Variants in DTNA observed in about 807,000 individuals in gnomAD.
The protein encoded by DTNA is dystrophin-related protein 3.
DTNA carries 43 observed loss-of-function variants against 100.7 expected under a neutral mutation model. The ratio of observed to expected loss-of-function variants is 0.43; its 90% CI spans 0.33 to 0.55. The LOEUF (loss-of-function observed/expected upper bound fraction) is 0.55, where lower values mean the gene tolerates loss of function less well. Ranked by LOEUF, DTNA falls within the 20% of genes least tolerant of loss-of-function variation. The pLI is 0.04. For synonymous variants in DTNA, 349 were observed against 347.9 expected, an observed-to-expected ratio of 1.00 and a Z score of -0.04; for missense variants, 798 against 953.9, an observed-to-expected ratio of 0.84 and a Z score of 2.15.
At chr18:34,624,559 A>T (rs1385800563) in intron 1 of DTNA, among the ~76,000 whole-genome samples, 2 of 152,208 alleles carry the variant, frequency 1.3e-5, no homozygotes, top group Non-Finnish European at 2.9e-5. Context: ...AGTATAATCA[A>T]TGTTAACTGT....
At chr18:34,530,149 G>A (rs1242948635) in intron 1 of DTNA, among the ~76,000 whole-genome samples, 2 of 152,036 alleles carry the variant, frequency 1.3e-5, no homozygotes, top group African/African-American at 4.8e-5. Context: ...AGCTGGTCAG[G>A]CAGCCCACTG....
At position 34,879,683 on chromosome 18, in the gene DTNA, A is replaced by G. The variant is rs760014038; in HGVS notation, c.2126A>G (p.His709Arg). 4 of 1,614,114 alleles carry G rather than the reference A, an allele frequency of 2.5e-6. No individual in the cohort carries two copies. In the Admixed American group the frequency reaches 5.0e-5, roughly 20 times the overall value. ...QIHARKPGYI[H>R]SGATTSTMRG... ...CATGCCCGAAAACCTGGGTACATTCACAGTGGAGCTACCACAAGTACCATG... is the reference window on the plus strand; with the variant it reads ...CATGCCCGAAAACCTGGGTACATTCGCAGTGGAGCTACCACAAGTACCATG... The change falls in exon 20 of 23, where the codon CAC becomes CGC. Residue 709 changes from histidine (H) to arginine (R), a missense_variant. Transcript: ENST00000444659.
chr18:34,580,588 A>G (rs1372937188), intron 1 of DTNA, among the ~76,000 whole-genome samples: 1 of 152,176 alleles, frequency 6.6e-6, no homozygotes, highest in African/African-American at 2.4e-5. Context: ...GAAGAAATAG[A>G]AATTTATCTT....
intron 1 of DTNA, among the ~76,000 whole-genome samples, chr18:34,703,587 G>C (rs1329292299): frequency 6.6e-6 from 1 of 152,150 alleles, no homozygotes; most frequent in Non-Finnish European, 1.5e-5. Flanking sequence ...GAACTGACCA[G>C]TGTGGAACAA....
At chr18:34,864,102 A>G in intron 17 of DTNA, 40 bp downstream of exon 17, 1 of 1,557,952 alleles carries the variant, frequency 6.4e-7, no homozygotes. Flanking sequence ...CTTATTTTCC[A>G]TGTCATCTGT....
At chr18:34,559,350 G>T (rs1056388214) in intron 1 of DTNA, among the ~76,000 whole-genome samples, 3 of 152,178 alleles carry the variant, frequency 2.0e-5, no homozygotes, top group Non-Finnish European at 1.5e-5. Context: ...TAAGTGGGGG[G>T]AAAAATGAAT....
Position 34,818,529 on chromosome 18 carries a change from AG to A in DTNA, c.876+200del. On this transcript the variant is annotated intron_variant, in intron 8 of 22. Transcript: ENST00000444659. ...TGTTGGAACCCAGTGTAGCTTCCTGAGATTTAAAATATAGGAAGACTCAAAA... is the reference window on the plus strand; with the variant it reads ...TGTTGGAACCCAGTGTAGCTTCCTGAATTTAAAATATAGGAAGACTCAAAA... 3 of 1,458,922 alleles carry A rather than the reference AG, an allele frequency of 2.1e-6. No individual in the cohort carries two copies. In the South Asian group the frequency reaches 4.1e-5, roughly 20 times the overall value. 90.4% of individuals were successfully genotyped at this position (1,458,922 alleles called of 1,614,324 possible).
rs184075977 is a variant in DTNA at position 34,712,564 on chromosome 18, T to C, written c.-2+2119T>C. On this transcript the variant is annotated intron_variant, in intron 1 of 22. Transcript: ENST00000444659. ...TACACAAAAACTTCTGAAATAATTT[T>C]AACAGAGATCACAAGATGGAAGATT... is the stretch of plus-strand genomic sequence containing the variant. Among the ~76,000 whole-genome samples the C allele has an allele frequency of 2.7e-3, 410 of 152,288 alleles. 3 individuals carry two copies. Among genetic ancestry groups the C allele is most frequent in the African/African-American group, 9.2e-3 (382 of 41,590 alleles).
At chr18:34,848,939 G>GT (rs1243770019) in intron 14 of DTNA, among the ~76,000 whole-genome samples, 1 of 152,210 alleles carries the variant, frequency 6.6e-6, no homozygotes, top group African/African-American at 2.4e-5. Flanking sequence ...TGAGGAAGCT[G>GT]TTGCCTGCAC....
At chr18:34,790,858 T>C (rs1398963592) in intron 3 of DTNA, among the ~76,000 whole-genome samples, 2 of 151,984 alleles carry the variant, frequency 1.3e-5, no homozygotes, top group East Asian at 3.9e-4. Context: ...GCAATAAAGG[T>C]TCATGGAAAT....
intron 1 of DTNA, among the ~76,000 whole-genome samples, chr18:34,740,464 C>A (rs2090429732): frequency 6.6e-6 from 1 of 152,242 alleles, no homozygotes; most frequent in Middle Eastern, 3.4e-3. Context: ...GACACTGAAG[C>A]TGGAATCTGG....
intron 11 of DTNA, among the ~76,000 whole-genome samples, chr18:34,834,559 T>G (rs948353739): frequency 3.8e-4 from 57 of 151,780 alleles, no homozygotes; most frequent in African/African-American, 1.4e-3. Context: ...ACGTGAAGCA[T>G]GGCATCAGCA....
chr18:34,803,154 A>C (rs2095269219), intron 4 of DTNA, among the ~76,000 whole-genome samples: 1 of 152,126 alleles, frequency 6.6e-6, no homozygotes, highest in Admixed American at 6.6e-5. Flanking sequence ...ATACCCCCAG[A>C]ATCCTTCTTC....
At chr18:34,867,554 T>C in intron 17 of DTNA, 1 of 1,118,864 alleles carries the variant, frequency 8.9e-7, no homozygotes, top group Non-Finnish European at 1.1e-6. Flanking sequence ...TTCTTTCCTC[T>C]CCTGTCTCTT....
At chr18:34,494,094 G>A (rs918390162) in intron 1 of DTNA, 1 of 151,878 alleles carries the variant, frequency 6.6e-6, no homozygotes, top group African/African-American at 2.4e-5. Context: ...CGCTCGGGGG[G>A]TGGCTATGGC....
chr18:34,639,630 A>G (rs1319117835), intron 1 of DTNA, among the ~76,000 whole-genome samples: 2 of 152,182 alleles, frequency 1.3e-5, no homozygotes, highest in Non-Finnish European at 2.9e-5. Context: ...CTCCTTCAGC[A>G]AAAGGCTTTT....
intron 1 of DTNA, among the ~76,000 whole-genome samples, chr18:34,589,906 C>CT (rs1293697701): frequency 4.6e-5 from 7 of 152,166 alleles, no homozygotes; most frequent in Non-Finnish European, 1.0e-4. Flanking sequence ...ATAATGTCCT[C>CT]TAAGTTTATC....
At chr18:34,604,687 AACTT>A (rs1164288302) in intron 1 of DTNA, among the ~76,000 whole-genome samples, 1 of 152,182 alleles carries the variant, frequency 6.6e-6, no homozygotes, top group East Asian at 1.9e-4. Flanking sequence ...ACATAAATCT[AACTT>A]ACTTAGATTT....
intron 1 of DTNA, among the ~76,000 whole-genome samples, chr18:34,654,009 T>C (rs2073994725): frequency 6.6e-6 from 1 of 152,214 alleles, no homozygotes. Flanking sequence ...TTCAGATAAT[T>C]TACTAAAGCC....
Sources: allele counts gnomAD v4.1 joint callset (sites outside exome capture counted in the v4.1 genomes callset), GRCh38; gene constraint gnomAD v4.1.1; transcripts MANE v1.5; gene names NCBI Gene and HGNC (gene_info 2026-07-23, HGNC 2026-07-21).